The following KIAA0319L variants were observed in gnomAD, a reference collection of about 807,000 sequenced individuals.
KIAA0319L encodes the protein dyslexia-associated protein KIAA0319-like protein.
Under a neutral mutation model 120.1 loss-of-function variants are expected in KIAA0319L, and 55 were observed. The ratio of observed to expected loss-of-function variants is 0.46; its 90% confidence interval spans 0.37 to 0.57. The LOEUF (loss-of-function observed/expected upper bound fraction) is 0.57. Ranked by LOEUF, KIAA0319L falls within the 20% of genes least tolerant of loss-of-function variation. The pLI is 0.00. For synonymous variants in KIAA0319L, 398 were observed against 471.9 expected (o/e 0.84, Z 2.03); for missense variants, 1,049 against 1,255.3 (o/e 0.84, Z 2.48).
chr1:35,515,312 CAA>C (rs765616874), intron 2 of KIAA0319L, among the ~76,000 whole-genome samples: 20 of 67,388 alleles, frequency 3.0e-4, no homozygotes, highest in Admixed American at 4.6e-4. Flanking sequence ...AACTCCATCT[CAA>C]AAAAAAAAAA....
chr1:35,453,195 G>A lies in KIAA0319L; in HGVS notation c.1913+362C>T, dbSNP rs772172661. On this transcript the variant is annotated intron_variant, in intron 12 of 20. Transcript: ENST00000325722. The surrounding 1 kb of genome is among the most constrained non-coding windows in gnomAD (Gnocchi z 4.1). ...TAATAGCTGCTCTGCCCCATCCCCCGTGCCAGCCTTACCCAGTTAATTCTG... is the reference window on the plus strand; with the variant it reads ...TAATAGCTGCTCTGCCCCATCCCCCATGCCAGCCTTACCCAGTTAATTCTG... Among the ~76,000 whole-genome samples, 4 of 151,984 alleles carry A rather than the reference G, an allele frequency of 2.6e-5. No individual in the cohort carries two copies. The highest frequency in any genetic ancestry group is 4.8e-5 in the African/African-American group (2 of 41,370).
chr1:35,552,407 A>C (rs1647291923), intron 2 of KIAA0319L, among the ~76,000 whole-genome samples: 1 of 152,144 alleles, frequency 6.6e-6, no homozygotes, highest in Non-Finnish European at 1.5e-5. Context: ...GTACCAGAAG[A>C]GAAAGAGTAT....
At chr1:35,526,321 ATG>A (rs146034848) in intron 2 of KIAA0319L, among the ~76,000 whole-genome samples, 53 of 145,108 alleles carry the variant, frequency 3.7e-4, no homozygotes, top group South Asian at 1.5e-3. Context: ...ACATATGTGT[ATG>A]TGTGTGTATA....
At chr1:35,540,891 C>A (rs1313022549) in intron 2 of KIAA0319L, among the ~76,000 whole-genome samples, 3 of 152,110 alleles carry the variant, frequency 2.0e-5, no homozygotes, top group Non-Finnish European at 2.9e-5. Context: ...TAACAGACTG[C>A]AAGCTTCATG....
chr1:35,500,206 C>G (rs1043486190), intron 3 of KIAA0319L, among the ~76,000 whole-genome samples: 2 of 152,174 alleles, frequency 1.3e-5, no homozygotes, highest in Non-Finnish European at 2.9e-5. Flanking sequence ...AAATAAAGCA[C>G]TTTTTTCTCT....
intron 3 of KIAA0319L, among the ~76,000 whole-genome samples, chr1:35,505,755 G>A (rs1329670370): frequency 6.6e-6 from 1 of 152,074 alleles, no homozygotes; most frequent in Non-Finnish European, 1.5e-5. Context: ...CATGATCACT[G>A]GCAAACTGTT....
chr1:35,549,406 C>A (rs1358377583), intron 2 of KIAA0319L, among the ~76,000 whole-genome samples: 1 of 152,102 alleles, frequency 6.6e-6, no homozygotes, highest in African/African-American at 2.4e-5. Flanking sequence ...TCTTTATTAT[C>A]CTGGTGCCTA....
chr1:35,463,352 G>A (rs1643033556), intron 7 of KIAA0319L, among the ~76,000 whole-genome samples: 2 of 152,212 alleles, frequency 1.3e-5, no homozygotes, highest in South Asian at 2.1e-4. Flanking sequence ...ACAGCAGCAA[G>A]TGACTCCTTT....
In KIAA0319L at chr1:35,434,634, G is replaced by C. The variant is rs574655295; in HGVS notation, c.*260C>G. ...GGTCTGCCCTCGGGGGAGGGGAGGA[G>C]TTTGCAAAAAAAGGAGGCCCTGAGG... is the stretch of plus-strand genomic sequence containing the variant. On this transcript the variant is annotated 3_prime_UTR_variant, in exon 21 of 21. Coordinates refer to ENST00000325722, the MANE Select transcript of KIAA0319L (RefSeq NM_024874.5). 7 of 459,152 alleles carry C rather than the reference G, an allele frequency of 1.5e-5. No individual in the cohort carries two copies. 28.4% of individuals were successfully genotyped at this position (459,152 alleles called of 1,614,324 possible).
At chr1:35,436,927 T>C (rs1189652047) in intron 20 of KIAA0319L, among the ~76,000 whole-genome samples, 1 of 152,142 alleles carries the variant, frequency 6.6e-6, no homozygotes, top group African/African-American at 2.4e-5. Context: ...TGACACCATA[T>C]GGTCTTGAAT....
At chr1:35,529,433 T>C (rs1646278169) in intron 2 of KIAA0319L, among the ~76,000 whole-genome samples, 1 of 152,254 alleles carries the variant, frequency 6.6e-6, no homozygotes, top group African/African-American at 2.4e-5. Context: ...TTCATGATGG[T>C]AGATATTATC....
chr1:35,550,716 C>CT lies in KIAA0319L; in HGVS notation c.142+3633dup, dbSNP rs928531178. 9.3e-4 allele frequency among the ~76,000 whole-genome samples: 141 copies of CT among 151,306 alleles called. 1 individual carries two copies. The highest frequency in any genetic ancestry group is 3.3e-3 in the African/African-American group (136 of 41,172). On this transcript the variant is annotated intron_variant, in intron 2 of 20. Transcript: ENST00000325722. ...AATATTAGGAGCATTTTCCCGTGTA[C>CT]TTTTTTTTTAAATTATTAAACATTT...
At chr1:35,459,028 T>C (rs554106959) in intron 9 of KIAA0319L, among the ~76,000 whole-genome samples, 30 of 152,316 alleles carry the variant, frequency 2.0e-4, no homozygotes, top group African/African-American at 5.1e-4. Flanking sequence ...TCTGGCACCA[T>C]CTAAAATTTG....
intron 3 of KIAA0319L, among the ~76,000 whole-genome samples, chr1:35,492,507 C>G (rs1427023368): frequency 2.0e-5 from 3 of 151,832 alleles, no homozygotes; most frequent in African/African-American, 7.2e-5. Context: ...GAGCAACACT[C>G]TGTCTCAAAA....
chr1:35,556,159 A>C (rs1256749163), intron 1 of KIAA0319L, among the ~76,000 whole-genome samples: 2 of 152,246 alleles, frequency 1.3e-5, no homozygotes, highest in East Asian at 3.8e-4. Context: ...AATCTAGAGA[A>C]GCTCACAATA....
At chr1:35,534,626 G>A (rs1646496894) in intron 2 of KIAA0319L, among the ~76,000 whole-genome samples, 2 of 152,120 alleles carry the variant, frequency 1.3e-5, no homozygotes, top group South Asian at 2.1e-4. Flanking sequence ...TTGGAAGGCC[G>A]AGGCAGGTGG....
At chr1:35,445,564 T>C (rs933283750) in intron 16 of KIAA0319L, among the ~76,000 whole-genome samples, 1 of 152,212 alleles carries the variant, frequency 6.6e-6, no homozygotes, top group African/African-American at 2.4e-5. Flanking sequence ...TAACCATTAA[T>C]TGCACACTAT....
At chr1:35,485,114 G>C (rs1313124747) in intron 3 of KIAA0319L, among the ~76,000 whole-genome samples, 2 of 151,720 alleles carry the variant, frequency 1.3e-5, no homozygotes, top group Non-Finnish European at 2.9e-5. Flanking sequence ...ACACCTTCCT[G>C]ATTTTTCCTT....
intron 2 of KIAA0319L, among the ~76,000 whole-genome samples, chr1:35,540,442 C>T (rs1334634400): frequency 6.6e-6 from 1 of 152,222 alleles, no homozygotes; most frequent in Non-Finnish European, 1.5e-5. Context: ...CTTTCAAGTG[C>T]TGATGGGCTG....
Sources: allele counts gnomAD v4.1 joint callset (sites outside exome capture counted in the v4.1 genomes callset), GRCh38; gene constraint gnomAD v4.1.1; non-coding constraint Gnocchi (gnomAD v3.1); transcripts MANE v1.5; gene names NCBI Gene and HGNC (gene_info 2026-07-23, HGNC 2026-07-21).